RNMT: variants seen among roughly 807,000 people sequenced by gnomAD.
RNMT encodes the protein RNA guanine-7 methyltransferase, also known as mRNA cap guanine-N(7) methyltransferase.
A neutral mutation model predicts 56.0 loss-of-function variants in RNMT; 27 were observed. That is an observed-to-expected ratio of 0.48 (90% CI 0.36 to 0.67). The LOEUF is 0.67. Ranked by LOEUF, RNMT falls within the 30% of genes least tolerant of loss-of-function variation. The pLI, the probability that RNMT is intolerant of heterozygous loss-of-function variation, is 0.00. For missense variants in RNMT, 519 were observed against 552.1 expected (o/e 0.94, Z 0.60); for synonymous variants, 184 against 176.2 (o/e 1.04, Z -0.35).
chr18:13,730,412 T>C (rs1030519423), intron 1 of RNMT: 2 of 152,268 alleles, frequency 1.3e-5, no homozygotes, highest in African/African-American at 4.8e-5. Flanking sequence ...ATTCTTGCTG[T>C]AGAATCCCAA....
At chr18:13,754,221 A>G in intron 11 of RNMT, 74 bp downstream of exon 11, 1 of 1,039,624 alleles carries the variant, frequency 9.6e-7, no homozygotes, top group African/African-American at 1.6e-5. Context: ...AAAACCTGAA[A>G]AAAGGCTGGG....
At chr18:13,746,712 G>A (rs760436532) in intron 9 of RNMT, among the ~76,000 whole-genome samples, 2 of 152,140 alleles carry the variant, frequency 1.3e-5, no homozygotes, top group African/African-American at 2.4e-5. Flanking sequence ...CCCCAGTTAC[G>A]ATAACCAGAA....
At chr18:13,754,522 T>C (rs78149972) in intron 11 of RNMT, among the ~76,000 whole-genome samples, 2,174 of 152,170 alleles carry the variant, frequency 0.014, 57 homozygotes, top group African/African-American at 0.046. Context: ...TCTGAAAACT[T>C]TGAGTTTTTC....
chr18:13,732,664 C>T (rs2044090295), intron 3 of RNMT, among the ~76,000 whole-genome samples: 1 of 151,414 alleles, frequency 6.6e-6, no homozygotes, highest in Non-Finnish European at 1.5e-5. Context: ...TGCCATTGGC[C>T]CTTATGAGGA....
At chr18:13,755,969 A>C (rs905641241) in intron 11 of RNMT, among the ~76,000 whole-genome samples, 1 of 152,220 alleles carries the variant, frequency 6.6e-6, no homozygotes, top group African/African-American at 2.4e-5. Context: ...CAGTGGCCAA[A>C]TTGCACCTCG....
intron 10 of RNMT, among the ~76,000 whole-genome samples, chr18:13,753,137 A>G (rs879043096): frequency 2.6e-5 from 4 of 152,228 alleles, no homozygotes; most frequent in South Asian, 4.1e-4. Context: ...TGATATTTCA[A>G]GATAGGCCTT....
chr18:13,755,235 G>A (rs2044523420), intron 11 of RNMT, among the ~76,000 whole-genome samples: 1 of 152,216 alleles, frequency 6.6e-6, no homozygotes, highest in Non-Finnish European at 1.5e-5. Flanking sequence ...AAATTTTTAA[G>A]TGCTAATGAT....
At chr18:13,749,737 TG>T (rs1322753653) in intron 9 of RNMT, among the ~76,000 whole-genome samples, 1 of 152,122 alleles carries the variant, frequency 6.6e-6, no homozygotes, top group Non-Finnish European at 1.5e-5. Context: ...GTGAGAGAGT[TG>T]GGGAGACAGA....
chr18:13,732,428 T>G (rs897759685), intron 3 of RNMT, among the ~76,000 whole-genome samples: 1 of 152,216 alleles, frequency 6.6e-6, no homozygotes, highest in Admixed American at 6.5e-5. Context: ...CTTTTAAAAT[T>G]ATACCTAGCT....
intron 4 of RNMT, 59 bp downstream of exon 4, chr18:13,734,658 T>A: frequency 1.4e-6 from 2 of 1,406,726 alleles, no homozygotes; most frequent in Non-Finnish European, 1.9e-6. Flanking sequence ...TTATCAAACC[T>A]TGACTTTATA....
intron 9 of RNMT, among the ~76,000 whole-genome samples, chr18:13,748,563 T>C: frequency 6.6e-6 from 1 of 152,150 alleles, no homozygotes; most frequent in East Asian, 1.9e-4. Flanking sequence ...CCAAAAAGTC[T>C]TTTCCTGAAG....
chr18:13,733,340 T>C (rs748502149), intron 3 of RNMT, among the ~76,000 whole-genome samples: 2 of 152,162 alleles, frequency 1.3e-5, no homozygotes, highest in Non-Finnish European at 2.9e-5. Context: ...ATAGCATTAT[T>C]ATAATAGAAA....
intron 6 of RNMT, 104 bp from the exon 7 acceptor site, chr18:13,741,406 T>G (rs1568504230): frequency 4.4e-6 from 3 of 685,006 alleles, no homozygotes; most frequent in Non-Finnish European, 7.4e-6. Context: ...GGAAAGATTG[T>G]GAGGGAAAGG....
intron 9 of RNMT, among the ~76,000 whole-genome samples, chr18:13,749,287 G>T (rs368082703): frequency 6.6e-6 from 1 of 152,128 alleles, no homozygotes; most frequent in African/African-American, 2.4e-5. Context: ...TTGTGATATG[G>T]TAAAACTACA....
rs973129078 is a variant in RNMT at position 13,761,672 on chromosome 18, G to A, written c.*1693G>A. The A allele has an allele frequency of 9.7e-7, 1 of 1,034,400 alleles. No individual in the cohort carries two copies. Among genetic ancestry groups the A allele is most frequent in the African/African-American group, 1.7e-5 (1 of 57,834 alleles). The allele number at this position is 1,034,400 out of a possible 1,614,324, so 64.1% of individuals were successfully genotyped here. A position where few individuals can be genotyped will look rare whatever the true frequency, so the allele number is the denominator to read the frequency against. ...ACTAAGGCCTTCAGTGAACAGAAAG[G>A]AGCAGAGAGCAAGATTAGATCTGAG... On this transcript the variant is annotated 3_prime_UTR_variant, in exon 12 of 12. Coordinates refer to ENST00000383314, the MANE Select transcript of RNMT (RefSeq NM_003799.3).
At chr18:13,753,237 G>C (rs1223211140) in intron 10 of RNMT, among the ~76,000 whole-genome samples, 1 of 152,140 alleles carries the variant, frequency 6.6e-6, no homozygotes, top group Admixed American at 6.5e-5. Context: ...GGGAGGCCGA[G>C]GCAGGTGGAT....
At chr18:13,744,159 C>CTGTTTTTTTTTTTTTTTTT (rs2044308251) in intron 8 of RNMT, among the ~76,000 whole-genome samples, 1 of 91,398 alleles carries the variant, frequency 1.1e-5, no homozygotes, top group Non-Finnish European at 2.2e-5. Context: ...TAGCGGTCTT[C>CTGTTTTTTTTTTTTTTTTT]TTTTTTTTTT....
chr18:13,742,395 A>G (rs190096696), intron 7 of RNMT, 93 bp from the exon 8 acceptor site: 1 of 1,124,798 alleles, frequency 8.9e-7, no homozygotes, highest in Non-Finnish European at 1.3e-6. Context: ...AGTGTGCATC[A>G]TGTAGTTTTT....
intron 4 of RNMT, among the ~76,000 whole-genome samples, chr18:13,734,968 T>C (rs1282026397): frequency 1.3e-5 from 2 of 152,218 alleles, no homozygotes; most frequent in African/African-American, 4.8e-5. Context: ...TCATGTGTAT[T>C]ACATTGAGGA....
Sources: allele counts gnomAD v4.1 joint callset (sites outside exome capture counted in the v4.1 genomes callset), GRCh38; gene constraint gnomAD v4.1.1; transcripts MANE v1.5; gene names NCBI Gene and HGNC (gene_info 2026-07-23, HGNC 2026-07-21).